GLO1: variants seen among roughly 807,000 people sequenced by gnomAD.
GLO1 encodes the protein glyoxalase I.
GLO1 carries 28 observed loss-of-function variants against 26.0 expected under a neutral mutation model. That is an observed-to-expected ratio of 1.08 (90% CI 0.80 to 1.48). The LOEUF (loss-of-function observed/expected upper bound fraction) is 1.48. Among genes scored for constraint, GLO1 ranks in the 40% most tolerant of loss-of-function variants. The probability of loss-of-function intolerance (pLI) is 0.00; values close to 1 mark genes in which losing one functional copy is unlikely to be tolerated. For synonymous variants in GLO1, 78 were observed against 77.6 expected, an observed-to-expected ratio of 1.00 and a Z score of -0.03; for missense variants, 225 against 224.8, an observed-to-expected ratio of 1.00 and a Z score of -0.01.
chr6:38,698,903 C>A (rs1057379633), intron 1 of GLO1, among the ~76,000 whole-genome samples: 1 of 152,084 alleles, frequency 6.6e-6, no homozygotes. Flanking sequence ...TTTTAAGTGG[C>A]CTAATCACCT....
At chr6:38,693,696 T>C (rs975483318) in intron 1 of GLO1, among the ~76,000 whole-genome samples, 14 of 147,458 alleles carry the variant, frequency 9.5e-5, no homozygotes, top group African/African-American at 3.1e-4. Flanking sequence ...TATATATATA[T>C]ATATATATAT....
rs1761401021 is a variant in GLO1 at position 38,682,792 on chromosome 6, A to C, written c.376+16T>G. The C allele has an allele frequency of 3.3e-6, 5 of 1,497,722 alleles. No homozygotes were observed. The highest frequency in any genetic ancestry group is 4.7e-6 in the Non-Finnish European group (5 of 1,074,546). The allele number at this position is 1,497,722 out of a possible 1,614,324, so 92.8% of individuals were successfully genotyped here. A position where few individuals can be genotyped will look rare whatever the true frequency, so the allele number is the denominator to read the frequency against. ...ACACAAATCTACATATATCACATAA[A>C]AACAGGCAAACTTACCGAATCCTCG... On this transcript the variant is annotated intron_variant, in intron 4 of 5. Transcript: ENST00000373365.
intron 1 of GLO1, among the ~76,000 whole-genome samples, chr6:38,689,215 GGAAC>G (rs1761499230): frequency 6.6e-6 from 1 of 152,188 alleles, no homozygotes; most frequent in Non-Finnish European, 1.5e-5. Context: ...CTCTGAGTAA[GGAAC>G]ACAGTCCTGT....
intron 1 of GLO1, 56 bp downstream of exon 1, chr6:38,702,915 G>A: frequency 2.9e-6 from 3 of 1,020,036 alleles, no homozygotes; most frequent in South Asian, 1.3e-5. Flanking sequence ...ATAGAATGCG[G>A]CCCGGTCCCG....
chr6:38,698,380 G>A (rs1761641289), intron 1 of GLO1, among the ~76,000 whole-genome samples: 1 of 149,590 alleles, frequency 6.7e-6, no homozygotes, highest in African/African-American at 2.5e-5. Context: ...CCTTTCTACT[G>A]CATTCAATTC....
intron 1 of GLO1, among the ~76,000 whole-genome samples, chr6:38,689,739 G>A (rs1436894579): frequency 6.6e-6 from 1 of 152,106 alleles, no homozygotes; most frequent in Non-Finnish European, 1.5e-5. Context: ...GAGGTCAGGA[G>A]CTCGAGAAAC....
At chr6:38,686,787 C>T in intron 2 of GLO1, 105 bp downstream of exon 2, 1 of 657,344 alleles carries the variant, frequency 1.5e-6, no homozygotes, top group Non-Finnish European at 2.6e-6. Flanking sequence ...GCCAAAAGAA[C>T]TTCTGTTACT....
chr6:38,688,595 C>T (rs1302330018), intron 1 of GLO1, among the ~76,000 whole-genome samples: 1 of 152,138 alleles, frequency 6.6e-6, no homozygotes, highest in Non-Finnish European at 1.5e-5. Context: ...AAGCCACCTG[C>T]AGGACAAAGT....
chr6:38,680,495 T>A (rs979885068), intron 5 of GLO1, among the ~76,000 whole-genome samples: 4 of 152,178 alleles, frequency 2.6e-5, no homozygotes, highest in African/African-American at 9.7e-5. Context: ...CACTCCAACC[T>A]GGGCAACAAG....
intron 5 of GLO1, among the ~76,000 whole-genome samples, chr6:38,678,052 A>AGGG (rs1562479204): frequency 6.6e-6 from 1 of 152,204 alleles, no homozygotes; most frequent in East Asian, 1.9e-4. Flanking sequence ...CCCACAACCA[A>AGGG]AAGACCCAGA....
Position 38,682,105 on chromosome 6 carries a change from A to ATCCT in GLO1, c.377-5_377-4insAGGA. 6.7e-7 allele frequency: 1 copy of ATCCT among 1,499,846 alleles called. No individual in the cohort carries two copies. The highest frequency in any genetic ancestry group is 1.1e-5 in the South Asian group (1 of 88,832). The allele number at this position is 1,499,846 out of a possible 1,614,324, so 92.9% of individuals were successfully genotyped here. On this transcript the variant is annotated splice_polypyrimidine_tract_variant and splice_region_variant and intron_variant, in intron 4 of 5. Coordinates refer to ENST00000373365, the MANE Select transcript of GLO1 (RefSeq NM_006708.3). The stretch of plus-strand genomic sequence containing the variant: ...GGAACAGCAATTCCAATATGACCTT[A>ATCCT]CGTGATACCCCCCGAAAAAAGCAGA...
chr6:38,688,937 C>T (rs558115830), intron 1 of GLO1, among the ~76,000 whole-genome samples: 1 of 152,114 alleles, frequency 6.6e-6, no homozygotes, highest in African/African-American at 2.4e-5. Flanking sequence ...AGCGAGCGTG[C>T]GCGCGCAAAG....
intron 1 of GLO1, among the ~76,000 whole-genome samples, chr6:38,697,101 C>T (rs1276239203): frequency 6.6e-6 from 1 of 151,886 alleles, no homozygotes; most frequent in Non-Finnish European, 1.5e-5. Context: ...TTTTAGTAGA[C>T]ACAGGGTTTC....
rs374665656 is a variant in GLO1 at position 38,677,539 on chromosome 6, T to A, written c.467-156A>T. Among the ~76,000 whole-genome samples the A allele has an allele frequency of 4.6e-5, 7 of 152,286 alleles. No individual in the cohort carries two copies. The South Asian group carries it at 6.2e-4, about 14-fold the overall frequency. Reference sequence around the variant, plus strand: ...CAGGCTTGACCTCCTGAGCTCAGCCTGCCAAGTAGCTGGGGCGACAGGCAC... The same window carrying A: ...CAGGCTTGACCTCCTGAGCTCAGCCAGCCAAGTAGCTGGGGCGACAGGCAC... On this transcript the variant is annotated intron_variant, in intron 5 of 5. Coordinates refer to ENST00000373365, the MANE Select transcript of GLO1 (RefSeq NM_006708.3).
At chr6:38,683,056 C>T (rs945561808) in intron 3 of GLO1, 181 bp from the exon 4 acceptor site, 20 of 562,064 alleles carry the variant, frequency 3.6e-5, no homozygotes, top group African/African-American at 3.0e-4. Flanking sequence ...ATGATTTTAA[C>T]GAGACTAAAG....
At position 38,682,101 on chromosome 6, in the gene GLO1, C is replaced by G; in HGVS notation, c.377G>C (p.Gly126Ala). Reference protein sequence around the residue: ...HNGNSDPRGFGHIGIAVPDVY... With the variant: ...HNGNSDPRGFAHIGIAVPDVY... ...ATCAGGAACAGCAATTCCAATATGA[C>G]CTTACGTGATACCCCCCGAAAAAAG... The change falls in exon 5 of 6, where the codon GGT becomes GCT. Residue 126 changes from glycine (G) to alanine (A), a missense_variant and splice_region_variant. Transcript: ENST00000373365. The G allele has an allele frequency of 6.5e-7, 1 of 1,532,754 alleles. No individual in the cohort carries two copies. The highest frequency in any genetic ancestry group is 9.0e-7 in the Non-Finnish European group (1 of 1,105,908). The allele number at this position is 1,532,754 out of a possible 1,614,324, so 94.9% of individuals were successfully genotyped here. A position where few individuals can be genotyped will look rare whatever the true frequency, so the allele number is the denominator to read the frequency against.
At chr6:38,683,984 C>T (rs965606922) in intron 3 of GLO1, among the ~76,000 whole-genome samples, 5 of 152,198 alleles carry the variant, frequency 3.3e-5, no homozygotes, top group South Asian at 2.1e-4. Flanking sequence ...CCGAGGCGGG[C>T]GGATCACTTG....
At chr6:38,679,656 A>G (rs1761337594) in intron 5 of GLO1, among the ~76,000 whole-genome samples, 1 of 151,992 alleles carries the variant, frequency 6.6e-6, no homozygotes, top group African/African-American at 2.4e-5. Flanking sequence ...TTAGCCATAC[A>G]TGGTGGCATT....
In GLO1 at chr6:38,676,107, C is replaced by G. The variant is rs1761230133; in HGVS notation, c.*1188G>C. 6.6e-6 allele frequency: 1 copy of G among 152,132 alleles called. No individual in the cohort carries two copies. Among genetic ancestry groups the G allele is most frequent in the African/African-American group, 2.4e-5 (1 of 41,422 alleles). 9.4% of individuals were successfully genotyped at this position (152,132 alleles called of 1,614,324 possible). A position where few individuals can be genotyped will look rare whatever the true frequency, so the allele number is the denominator to read the frequency against. On this transcript the variant is annotated 3_prime_UTR_variant, in exon 6 of 6. Coordinates refer to ENST00000373365, the MANE Select transcript of GLO1 (RefSeq NM_006708.3). ...GTCTTCCACTAGAGTCTAGAGAAAT[C>G]TAAATATAGTCATCCACAAACTGGA...
Sources: gnomAD v4.1 joint callset for allele counts (sites outside exome capture counted in the v4.1 genomes callset) on GRCh38, gnomAD v4.1.1 for gene constraint, MANE v1.5 for transcripts, NCBI Gene and HGNC (gene_info 2026-07-23, HGNC 2026-07-21) for gene names.